MUSK: variants seen among roughly 807,000 people sequenced by gnomAD.
The protein encoded by MUSK is muscle associated receptor tyrosine kinase.
In MUSK, 55 loss-of-function variants were observed where a neutral mutation model predicts 88.7. The ratio of observed to expected loss-of-function variants is 0.62; its 90% CI spans 0.50 to 0.78. The LOEUF (loss-of-function observed/expected upper bound fraction) is 0.78. MUSK is among the 30% of genes least tolerant of loss of function. The pLI, the probability that MUSK is intolerant of heterozygous loss-of-function variation, is 0.00. For synonymous variants in MUSK, 387 were observed against 391.9 expected (o/e 0.99, Z 0.15); for missense variants, 1,015 against 1,074.3 (o/e 0.94, Z 0.77).
At position 110,747,670 on chromosome 9, in the gene MUSK, G is replaced by A. The variant is rs1240022537; in HGVS notation, c.783G>A (p.Val261=). 6.2e-7 allele frequency: 1 copy of A among 1,613,736 alleles called. No homozygotes were observed. The highest frequency in any genetic ancestry group is 1.7e-5 in the Admixed American group (1 of 60,004). The change falls in exon 7 of 15, where the codon GTG becomes GTA. Residue 261 remains valine (V), a synonymous_variant. Coordinates refer to ENST00000374448, the MANE Select transcript of MUSK (RefSeq NM_005592.4). Reference sequence around the variant, plus strand: ...CTTCTGGGTCCATTCAAGAGAGTGTGAAAGACCGAGTGATTGACTCAAGAC... The same window carrying A: ...CTTCTGGGTCCATTCAAGAGAGTGTAAAAGACCGAGTGATTGACTCAAGAC... The part of the protein sequence containing the change: ...AVSSGSIQES[V]KDRVIDSRLQ...
At position 110,770,006 on chromosome 9, in the gene MUSK, C is replaced by G. The variant is rs554742964; in HGVS notation, c.1184+1923C>G. On this transcript the variant is annotated intron_variant, in intron 9 of 14. Coordinates refer to ENST00000374448, the MANE Select transcript of MUSK (RefSeq NM_005592.4). ...ACACAGTACTTTCATTGCTAAAACC[C>G]AGAAAGTTGGTCACTACTGAGGTGT... Among the ~76,000 whole-genome samples the G allele has an allele frequency of 4.3e-4, 65 of 152,106 alleles. No homozygotes were observed. In the South Asian group the frequency reaches 0.013, roughly 30 times the overall value.
chr9:110,757,854 C>G lies in MUSK; in HGVS notation c.914-4348C>G, dbSNP rs1300583489. 2.6e-5 allele frequency among the ~76,000 whole-genome samples: 4 copies of G among 152,200 alleles called. No individual in the cohort carries two copies. The South Asian group carries it at 8.3e-4, about 32-fold the overall frequency. On this transcript the variant is annotated intron_variant, in intron 7 of 14. Coordinates refer to ENST00000374448, the MANE Select transcript of MUSK (RefSeq NM_005592.4). ...TAACCAAATTAGCATACTCTCAGAGCTCATTTCTGTTTAGTGAGGTATTCG... is the reference window on the plus strand; with the variant it reads ...TAACCAAATTAGCATACTCTCAGAGGTCATTTCTGTTTAGTGAGGTATTCG...
At chr9:110,697,556 T>A in intron 5 of MUSK, 90 bp downstream of exon 5, 1 of 1,377,424 alleles carries the variant, frequency 7.3e-7, no homozygotes, top group Non-Finnish European at 9.7e-7. Context: ...AGAGAAGAGA[T>A]GTGGGCAGCC....
In MUSK at chr9:110,801,817, T is replaced by C. The variant is rs2078101372; in HGVS notation, c.*829T>C. 6.6e-6 allele frequency among the ~76,000 whole-genome samples: 1 copy of C among 152,252 alleles called. No individual in the cohort carries two copies. Among genetic ancestry groups the C allele is most frequent in the Non-Finnish European group, 1.5e-5 (1 of 68,054 alleles). On this transcript the variant is annotated 3_prime_UTR_variant, in exon 15 of 15. Transcript: ENST00000374448. ...CTTTATTTCTTCTTCTTTCCAGGAC[T>C]TCTGTCCTTTTTTAGTTATTAAGCT...
At chr9:110,695,744 T>A (rs2076423049) in intron 4 of MUSK, among the ~76,000 whole-genome samples, 1 of 152,082 alleles carries the variant, frequency 6.6e-6, no homozygotes. Context: ...ACCAATAATG[T>A]TAAAGATAGA....
intron 8 of MUSK, among the ~76,000 whole-genome samples, chr9:110,766,450 A>G (rs1021860711): frequency 1.1e-4 from 17 of 152,212 alleles, no homozygotes; most frequent in Admixed American, 4.6e-4. Flanking sequence ...AAAGGGATAC[A>G]GTAAAACTCA....
intron 4 of MUSK, among the ~76,000 whole-genome samples, chr9:110,696,144 G>T (rs747641671): frequency 2.6e-5 from 4 of 152,080 alleles, no homozygotes; most frequent in Non-Finnish European, 4.4e-5. Flanking sequence ...GGGTGTGGTG[G>T]TGTGTGCCTA....
chr9:110,671,905 C>A lies in MUSK; in HGVS notation c.79+2922C>A, dbSNP rs574565790. Among the ~76,000 whole-genome samples, 7 of 152,294 alleles carry A rather than the reference C, an allele frequency of 4.6e-5. No homozygotes were observed. The South Asian group carries it at 1.0e-3, about 23-fold the overall frequency. Reference sequence around the variant, plus strand: ...AAAGTCTCACTTTCAAAACACCCGACTTACTACAATACGTTGAAGTGTTTG... The same window carrying A: ...AAAGTCTCACTTTCAAAACACCCGAATTACTACAATACGTTGAAGTGTTTG... On this transcript the variant is annotated intron_variant, in intron 1 of 14. Coordinates refer to ENST00000374448, the MANE Select transcript of MUSK (RefSeq NM_005592.4).
chr9:110,765,541 G>A (rs2077467426), intron 8 of MUSK, among the ~76,000 whole-genome samples: 1 of 151,612 alleles, frequency 6.6e-6, no homozygotes, highest in Non-Finnish European at 1.5e-5. Context: ...CATAACATGG[G>A]ACCCTTCAGA....
chr9:110,731,703 C>T (rs2076966145), intron 5 of MUSK, among the ~76,000 whole-genome samples: 1 of 152,068 alleles, frequency 6.6e-6, no homozygotes, highest in Non-Finnish European at 1.5e-5. Context: ...CAGCAGTACT[C>T]CTGTACCTGC....
chr9:110,730,962 C>T (rs766541153), intron 5 of MUSK, among the ~76,000 whole-genome samples: 8 of 152,026 alleles, frequency 5.3e-5, no homozygotes, highest in Non-Finnish European at 1.0e-4. Context: ...AACTTACTTA[C>T]ACACATCAAC....
At chr9:110,689,965 T>TAAATATA (rs1292137502) in intron 3 of MUSK, among the ~76,000 whole-genome samples, 4 of 74,616 alleles carry the variant, frequency 5.4e-5, no homozygotes, top group Non-Finnish European at 9.5e-5. Flanking sequence ...AATATATATT[T>TAAATATA]ATATATTATA....
chr9:110,699,940 T>C (rs1025684212), intron 5 of MUSK, among the ~76,000 whole-genome samples: 2 of 152,228 alleles, frequency 1.3e-5, no homozygotes, highest in Admixed American at 6.5e-5. Context: ...TTGGGTACCA[T>C]GTGTTAACTA....
At chr9:110,773,354 C>A (rs1021855038) in intron 9 of MUSK, among the ~76,000 whole-genome samples, 1 of 152,002 alleles carries the variant, frequency 6.6e-6, no homozygotes, top group Admixed American at 6.5e-5. Context: ...CACACTTGTT[C>A]TTTGAAACTT....
intron 5 of MUSK, among the ~76,000 whole-genome samples, chr9:110,713,988 T>G (rs957577975): frequency 6.6e-6 from 1 of 152,176 alleles, no homozygotes; most frequent in African/African-American, 2.4e-5. Flanking sequence ...GCAACTCTTA[T>G]GTAAATCTAA....
intron 3 of MUSK, among the ~76,000 whole-genome samples, chr9:110,687,599 T>C (rs2076215120): frequency 6.6e-6 from 1 of 152,132 alleles, no homozygotes; most frequent in Non-Finnish European, 1.5e-5. Flanking sequence ...CATCCTGAAG[T>C]GCTGGAATTA....
chr9:110,683,184 C>T (rs1156534575), intron 2 of MUSK, among the ~76,000 whole-genome samples: 1 of 152,002 alleles, frequency 6.6e-6, no homozygotes, highest in Admixed American at 6.6e-5. Context: ...TCCATGAGTT[C>T]AATTGTTTTG....
chr9:110,689,072 A>G (rs1425236167), intron 3 of MUSK, among the ~76,000 whole-genome samples: 2 of 138,126 alleles, frequency 1.4e-5, no homozygotes, highest in Non-Finnish European at 3.0e-5. Flanking sequence ...AGCTATAGTT[A>G]TATATAGTTA....
intron 5 of MUSK, among the ~76,000 whole-genome samples, chr9:110,726,077 T>C (rs1406755613): frequency 2.6e-5 from 4 of 152,060 alleles, no homozygotes; most frequent in African/African-American, 9.7e-5. Context: ...CTCAATTGTG[T>C]GTGCATGCAT....
Sources: allele counts gnomAD v4.1 joint callset (sites outside exome capture counted in the v4.1 genomes callset), GRCh38; gene constraint gnomAD v4.1.1; transcripts MANE v1.5; gene names NCBI Gene and HGNC (gene_info 2026-07-23, HGNC 2026-07-21).